Variants in ABCA1 observed in about 807,000 individuals in gnomAD.
The protein encoded by ABCA1 is phospholipid-transporting ATPase ABCA1.
In ABCA1, 133 loss-of-function variants were observed where a neutral mutation model predicts 262.5. That is an observed-to-expected ratio of 0.51 (90% CI 0.44 to 0.59). The LOEUF is 0.59. Ranked by LOEUF, ABCA1 falls within the 20% of genes least tolerant of loss-of-function variation. ABCA1 has a pLI of 0.00. For synonymous variants in ABCA1, 1,022 were observed against 1,043.5 expected (o/e 0.98, Z 0.40); for missense variants, 2,452 against 2,777.5 (o/e 0.88, Z 2.63).
chr9:104,917,649 G>C (rs912356752), intron 1 of ABCA1, among the ~76,000 whole-genome samples: 3 of 152,090 alleles, frequency 2.0e-5, no homozygotes, highest in Non-Finnish European at 2.9e-5. Flanking sequence ...AGCTACTAGG[G>C]AGGCTGAGGC....
chr9:104,809,731 G>C (rs762879638), intron 29 of ABCA1, among the ~76,000 whole-genome samples, 167 bp from the exon 30 acceptor site: 3 of 152,096 alleles, frequency 2.0e-5, no homozygotes, highest in Non-Finnish European at 2.9e-5. Flanking sequence ...CTCAGACTCT[G>C]GCCCTGTATT....
chr9:104,804,361 A>G (rs1830587588), intron 32 of ABCA1, among the ~76,000 whole-genome samples: 1 of 152,256 alleles, frequency 6.6e-6, no homozygotes, highest in African/African-American at 2.4e-5. Context: ...TACCTGGTCA[A>G]GTTGCTACTA....
At chr9:104,862,646 G>GCCCCCCCCCCC (rs1564197987) in intron 5 of ABCA1, among the ~76,000 whole-genome samples, 2 of 2,902 alleles carry the variant, frequency 6.9e-4, no homozygotes, top group Admixed American at 3.1e-3. Context: ...GGCCGGGCCG[G>GCCCCCCCCCCC]GCCGGGCCGG....
intron 21 of ABCA1, 39 bp from the exon 22 acceptor site, chr9:104,819,762 C>T (rs779806124): frequency 3.1e-6 from 5 of 1,613,988 alleles, no homozygotes; most frequent in Middle Eastern, 1.7e-4. Context: ...CAGGACCAGC[C>T]CCAGACAGTG....
chr9:104,847,034 T>C (rs2119057976), intron 7 of ABCA1, among the ~76,000 whole-genome samples: 1 of 152,262 alleles, frequency 6.6e-6, no homozygotes, highest in South Asian at 2.1e-4. Flanking sequence ...AGGTAAAGTG[T>C]TTTTGTGTTT....
intron 1 of ABCA1, among the ~76,000 whole-genome samples, chr9:104,918,132 A>T (rs994742248): frequency 6.9e-6 from 1 of 145,918 alleles, no homozygotes; most frequent in Non-Finnish European, 1.5e-5. Flanking sequence ...TCCATCACCC[A>T]CGGTCTGGTT....
intron 6 of ABCA1, among the ~76,000 whole-genome samples, chr9:104,859,699 T>G (rs1836173597): frequency 6.6e-6 from 1 of 152,230 alleles, no homozygotes; most frequent in Admixed American, 6.5e-5. Flanking sequence ...TCTACTCATT[T>G]CTTTAACTGG....
intron 2 of ABCA1, among the ~76,000 whole-genome samples, chr9:104,898,557 T>A (rs1588544527): frequency 1.9e-5 from 1 of 52,980 alleles, no homozygotes; most frequent in East Asian, 3.7e-4. Flanking sequence ...GAAAAATAAA[T>A]AAATAAATAA....
chr9:104,781,838 T>G lies in ABCA1; in HGVS notation c.*2477A>C, dbSNP rs1198994497. On this transcript the variant is annotated 3_prime_UTR_variant, in exon 50 of 50. Transcript: ENST00000374736. Reference sequence around the variant, plus strand: ...ATTCCACAGGGAATATACAGAAATTTTGCTTGATTGAGTATAGAGTTGGTA... The same window carrying G: ...ATTCCACAGGGAATATACAGAAATTGTGCTTGATTGAGTATAGAGTTGGTA... The G allele has an allele frequency of 6.6e-6, 1 of 152,524 alleles. No individual in the cohort carries two copies. Among genetic ancestry groups the G allele is most frequent in the African/African-American group, 2.4e-5 (1 of 41,456 alleles). The allele number at this position is 152,524 out of a possible 1,614,324, so 9.4% of individuals were successfully genotyped here.
intron 6 of ABCA1, among the ~76,000 whole-genome samples, chr9:104,859,997 T>C (rs1228511955): frequency 6.9e-6 from 1 of 144,496 alleles, no homozygotes; most frequent in African/African-American, 2.7e-5. Flanking sequence ...GAGGTTGTAG[T>C]GAGCTGAGAT....
intron 6 of ABCA1, among the ~76,000 whole-genome samples, chr9:104,860,064 A>AG (rs1437461500): frequency 1.3e-5 from 2 of 151,870 alleles, no homozygotes; most frequent in African/African-American, 4.8e-5. Context: ...AAAAAAAAAA[A>AG]AAAAAAAAGA....
chr9:104,897,156 CA>C (rs1014988736), intron 2 of ABCA1, among the ~76,000 whole-genome samples: 2 of 152,182 alleles, frequency 1.3e-5, no homozygotes, highest in Non-Finnish European at 2.9e-5. Context: ...CCATCCCTAA[CA>C]GCATACATGC....
intron 7 of ABCA1, among the ~76,000 whole-genome samples, chr9:104,853,190 A>G (rs1247963415): frequency 6.6e-6 from 1 of 152,188 alleles, no homozygotes; most frequent in African/African-American, 2.4e-5. Flanking sequence ...GGACAGTGGA[A>G]CCACTGGTTC....
chr9:104,786,849 G>A, intron 47 of ABCA1, 24 bp downstream of exon 47: 1 of 1,589,484 alleles, frequency 6.3e-7, no homozygotes, highest in Admixed American at 1.7e-5. Context: ...CCCACAGTGA[G>A]GAACCCAAGA....
chr9:104,806,501 G>A lies in ABCA1; in HGVS notation c.4275-71C>T. ...GCCTTTCTGTTGCCTCAGGAGCACA[G>A]GATCATTCCGTAACAACCACAAACA... On this transcript the variant is annotated intron_variant, in intron 30 of 49. Coordinates refer to ENST00000374736, the MANE Select transcript of ABCA1 (RefSeq NM_005502.4). 2.7e-6 allele frequency: 4 copies of A among 1,470,434 alleles called. 1 individual carries two copies. The South Asian group carries it at 4.6e-5, about 17-fold the overall frequency. 91.1% of individuals were successfully genotyped at this position (1,470,434 alleles called of 1,614,324 possible). A position where few individuals can be genotyped will look rare whatever the true frequency, so the allele number is the denominator to read the frequency against.
intron 5 of ABCA1, among the ~76,000 whole-genome samples, chr9:104,882,056 A>AAAAAAAAAAAAAAAAAAAC (rs910844455): frequency 5.5e-5 from 8 of 144,536 alleles, no homozygotes; most frequent in Non-Finnish European, 9.1e-5. Flanking sequence ...AAAAAAAAAA[A>AAAAAAAAAAAAAAAAAAAC]ACTCAAATCT....
At chr9:104,815,014 A>T (rs1185810659) in intron 25 of ABCA1, among the ~76,000 whole-genome samples, 2 of 152,194 alleles carry the variant, frequency 1.3e-5, no homozygotes, top group Non-Finnish European at 2.9e-5. Flanking sequence ...ATAAAAAAAA[A>T]TTTAAAAAAA....
At chr9:104,882,824 C>CA (rs1442546760) in intron 5 of ABCA1, among the ~76,000 whole-genome samples, 2 of 152,174 alleles carry the variant, frequency 1.3e-5, no homozygotes, top group Non-Finnish European at 2.9e-5. Context: ...TCTGTCTTCC[C>CA]AGAGAAGATT....
intron 23 of ABCA1, among the ~76,000 whole-genome samples, chr9:104,818,161 A>G (rs984615832): frequency 1.2e-4 from 14 of 119,116 alleles, no homozygotes; most frequent in Admixed American, 6.1e-4. Context: ...AATTGAGATG[A>G]TAGAGGTTAA....
Sources: gnomAD v4.1 joint callset for allele counts (sites outside exome capture counted in the v4.1 genomes callset) on GRCh38, gnomAD v4.1.1 for gene constraint, MANE v1.5 for transcripts, NCBI Gene and HGNC (gene_info 2026-07-23, HGNC 2026-07-21) for gene names.